LRRC4C: variants seen among roughly 807,000 people sequenced by gnomAD.
LRRC4C encodes the protein leucine rich repeat containing 4C.
LRRC4C carries 5 observed loss-of-function variants against 33.6 expected under a neutral mutation model. That is an observed-to-expected ratio of 0.15 (90% CI 0.08 to 0.31). The LOEUF (loss-of-function observed/expected upper bound fraction) is 0.31, where lower values mean the gene tolerates loss of function less well. Ranked by LOEUF, LRRC4C falls within the 10% of genes least tolerant of loss-of-function variation. The pLI is 1.00. For synonymous variants in LRRC4C, 329 were observed against 302.0 expected, an observed-to-expected ratio of 1.09 and a Z score of -0.93; for missense variants, 560 against 796.7, an observed-to-expected ratio of 0.70 and a Z score of 3.58.
chr11:41,126,036 A>G (rs999792557), intron 1 of LRRC4C, among the ~76,000 whole-genome samples: 4 of 152,124 alleles, frequency 2.6e-5, no homozygotes, highest in Non-Finnish European at 5.9e-5. Context: ...ACTAAAAAAA[A>G]TAACCAAGTA....
chr11:40,874,457 A>C (rs546130723), intron 2 of LRRC4C, among the ~76,000 whole-genome samples: 1 of 152,248 alleles, frequency 6.6e-6, no homozygotes, highest in East Asian at 1.9e-4. Context: ...ATGAGAGCAC[A>C]TATGTCCTAC....
At chr11:40,433,243 T>C (rs948367627) in intron 3 of LRRC4C, among the ~76,000 whole-genome samples, 2 of 151,944 alleles carry the variant, frequency 1.3e-5, no homozygotes, top group African/African-American at 4.9e-5. Context: ...TCTCTTGACA[T>C]TACATTATTT....
intron 1 of LRRC4C, among the ~76,000 whole-genome samples, chr11:41,219,794 A>G (rs1444782784): frequency 3.9e-5 from 6 of 152,190 alleles, no homozygotes; most frequent in Admixed American, 3.3e-4. Context: ...AAATAATTTT[A>G]TTCAGAAAAA....
chr11:40,419,389 T>C (rs561780358), intron 3 of LRRC4C, among the ~76,000 whole-genome samples: 2 of 152,040 alleles, frequency 1.3e-5, no homozygotes, highest in Non-Finnish European at 2.9e-5. Flanking sequence ...ATATAAAAAA[T>C]TATTTAAGGC....
rs540125746 is a variant in LRRC4C at position 41,390,782 on chromosome 11, G to C, written c.-496+68649C>G. On this transcript the variant is annotated intron_variant, in intron 1 of 6. Coordinates refer to ENST00000528697, the MANE Select transcript of LRRC4C (RefSeq NM_001258419.2). ...TAATACTATGAGAAAATCTTTCTTT[G>C]ATGTATGTGCTTGCCCTCTCCACTA... 3.3e-5 allele frequency among the ~76,000 whole-genome samples: 5 copies of C among 151,856 alleles called. No individual in the cohort carries two copies. The South Asian group carries it at 1.0e-3, about 31-fold the overall frequency.
At chr11:40,493,701 A>T (rs185525759) in intron 3 of LRRC4C, among the ~76,000 whole-genome samples, 1 of 152,284 alleles carries the variant, frequency 6.6e-6, no homozygotes, top group East Asian at 1.9e-4. Flanking sequence ...AATTATAGGC[A>T]CTCTTCATGA....
chr11:40,220,504 C>T (rs1864325348), intron 5 of LRRC4C, among the ~76,000 whole-genome samples: 2 of 152,040 alleles, frequency 1.3e-5, no homozygotes, highest in South Asian at 4.1e-4. Context: ...TGATCCCTGC[C>T]CTCTCTGATT....
chr11:40,236,084 C>T (rs1865532817), intron 5 of LRRC4C, among the ~76,000 whole-genome samples: 1 of 151,704 alleles, frequency 6.6e-6, no homozygotes, highest in African/African-American at 2.4e-5. Flanking sequence ...GGAAAATCCT[C>T]TTCAGCCTAT....
chr11:40,788,450 T>C (rs971484041), intron 2 of LRRC4C, among the ~76,000 whole-genome samples: 2 of 152,174 alleles, frequency 1.3e-5, no homozygotes, highest in African/African-American at 4.8e-5. Flanking sequence ...TTTTAAGTTA[T>C]TGATATTTTC....
intron 1 of LRRC4C, among the ~76,000 whole-genome samples, chr11:41,437,414 C>CGT (rs201537178): frequency 0.011 from 1,522 of 137,796 alleles, 20 homozygotes; most frequent in African/African-American, 0.036. Context: ...CACACAAACG[C>CGT]GCGCGCGCGC....
At chr11:40,831,459 T>G (rs1238827677) in intron 2 of LRRC4C, among the ~76,000 whole-genome samples, 1 of 152,144 alleles carries the variant, frequency 6.6e-6, no homozygotes, top group Non-Finnish European at 1.5e-5. Context: ...TTCAAAGTAT[T>G]ATTTTGTCAT....
At chr11:40,171,014 G>A (rs1860003477) in intron 5 of LRRC4C, among the ~76,000 whole-genome samples, 1 of 152,184 alleles carries the variant, frequency 6.6e-6, no homozygotes, top group Admixed American at 6.5e-5. Flanking sequence ...AGCATTTACA[G>A]TGAGGGAAAT....
At chr11:40,332,583 C>T (rs981590267) in intron 3 of LRRC4C, among the ~76,000 whole-genome samples, 1 of 152,180 alleles carries the variant, frequency 6.6e-6, no homozygotes, top group Non-Finnish European at 1.5e-5. Context: ...ATCATCAACA[C>T]TTGTGTAAAT....
At chr11:40,255,094 C>G (rs1867097639) in intron 4 of LRRC4C, among the ~76,000 whole-genome samples, 1 of 152,134 alleles carries the variant, frequency 6.6e-6, no homozygotes, top group African/African-American at 2.4e-5. Context: ...AGTCACCGCA[C>G]CCGGCCCTAA....
At chr11:41,023,111 A>G (rs1856097091) in intron 1 of LRRC4C, among the ~76,000 whole-genome samples, 1 of 151,962 alleles carries the variant, frequency 6.6e-6, no homozygotes, top group Non-Finnish European at 1.5e-5. Context: ...ACATAAGAGA[A>G]CATCACCAAG....
At chr11:41,195,017 TA>T (rs552647961) in intron 1 of LRRC4C, among the ~76,000 whole-genome samples, 110 of 145,544 alleles carry the variant, frequency 7.6e-4, no homozygotes, top group African/African-American at 1.8e-3. Context: ...CTCACTAAGA[TA>T]AAAAAAAAAA....
At chr11:40,886,576 C>T (rs568897048) in intron 2 of LRRC4C, among the ~76,000 whole-genome samples, 2 of 151,486 alleles carry the variant, frequency 1.3e-5, no homozygotes, top group Non-Finnish European at 2.9e-5. Flanking sequence ...AGGAGTTTAT[C>T]CTCAACTGAT....
chr11:40,880,222 C>T (rs936296552), intron 2 of LRRC4C, among the ~76,000 whole-genome samples: 1 of 151,994 alleles, frequency 6.6e-6, no homozygotes, highest in African/African-American at 2.4e-5. Flanking sequence ...TGATATATTC[C>T]GTGTAAGTAC....
At chr11:40,249,033 G>A (rs1373648464) in intron 4 of LRRC4C, among the ~76,000 whole-genome samples, 8 of 151,992 alleles carry the variant, frequency 5.3e-5, no homozygotes, top group African/African-American at 1.9e-4. Flanking sequence ...GTAACAGCAA[G>A]CAATTATAAT....
Sources: allele counts gnomAD v4.1 joint callset (sites outside exome capture counted in the v4.1 genomes callset), GRCh38; gene constraint gnomAD v4.1.1; transcripts MANE v1.5; gene names NCBI Gene and HGNC (gene_info 2026-07-23, HGNC 2026-07-21).